PRPH2: variants seen among roughly 807,000 people sequenced by gnomAD.
PRPH2 encodes the protein peripherin 2, also known as peripherin-2.
PRPH2 carries 17 observed loss-of-function variants against 31.3 expected under a neutral mutation model. The ratio of observed to expected loss-of-function variants is 0.54; its 90% confidence interval spans 0.37 to 0.81. The LOEUF (loss-of-function observed/expected upper bound fraction) is 0.81. PRPH2 is among the 40% of genes least tolerant of loss of function. The pLI is 0.00. For missense variants in PRPH2, 430 were observed against 439.7 expected (o/e 0.98, Z 0.20); for synonymous variants, 165 against 184.4 (o/e 0.89, Z 0.85).
At chr6:42,712,747 T>A (rs1761691456) in intron 1 of PRPH2, among the ~76,000 whole-genome samples, 2 of 151,806 alleles carry the variant, frequency 1.3e-5, no homozygotes, top group African/African-American at 4.8e-5. Flanking sequence ...AGAGACCTTG[T>A]GCTCAAGTGA....
rs1049647444 is a variant in PRPH2 at position 42,698,184 on chromosome 6, A to T, written c.*111T>A. On this transcript the variant is annotated 3_prime_UTR_variant, in exon 3 of 3. Transcript: ENST00000230381. ...CACCGTCAGGGAGAGTCTCTGTAAG[A>T]TGGTGCCCTCCTTGGGAGATTCAGA... is the stretch of plus-strand genomic sequence containing the variant. The T allele has an allele frequency of 7.7e-6, 11 of 1,437,216 alleles. No individual in the cohort carries two copies. Among genetic ancestry groups the T allele is most frequent in the Middle Eastern group, 2.5e-4 (1 of 4,036 alleles). 89.0% of individuals were successfully genotyped at this position (1,437,216 alleles called of 1,614,324 possible).
chr6:42,722,241 T>C lies in PRPH2; in HGVS notation c.94A>G (p.Ile32Val), dbSNP rs61755767. The change falls in exon 1 of 3, where the codon ATC (isoleucine) becomes GTC (valine). Residue 32 changes from isoleucine (I) to valine (V), a missense_variant. Physicochemically the swap from Ile to Val is conservative, Grantham distance 29. Transcript: ENST00000230381. The surrounding 1 kb of genome is among the most constrained non-coding windows in gnomAD (Gnocchi z 4.4). ...LMNWFSVLAGIIIFSLGLFLK... is the reference protein window; with the variant it reads ...LMNWFSVLAGVIIFSLGLFLK... ...AACAGTCCTAGGCTGAAGATGATGA[T>C]GCCAGCCAACACGGAGAACCAGTTC... 5.9e-4 allele frequency: 958 copies of C among 1,614,204 alleles called. 7 individuals are homozygous for C. The highest frequency in any genetic ancestry group is 5.1e-3 in the South Asian group (466 of 91,090).
chr6:42,710,880 C>T (rs922913872), intron 1 of PRPH2, among the ~76,000 whole-genome samples: 1 of 152,174 alleles, frequency 6.6e-6, no homozygotes, highest in African/African-American at 2.4e-5. Flanking sequence ...CTGAGGGACA[C>T]CTGTGAGACC....
intron 1 of PRPH2, chr6:42,711,717 T>A: frequency 1.0e-6 from 1 of 972,842 alleles, no homozygotes; most frequent in Non-Finnish European, 1.2e-6. Flanking sequence ...AATCTTCTCC[T>A]TGAGATGTCT....
In PRPH2 at chr6:42,722,552, G is replaced by T; in HGVS notation, c.-218C>A. The T allele has an allele frequency of 7.0e-7, 1 of 1,434,782 alleles. No individual in the cohort carries two copies. Among genetic ancestry groups the T allele is most frequent in the Admixed American group, 2.6e-5 (1 of 37,790 alleles). 88.9% of individuals were successfully genotyped at this position (1,434,782 alleles called of 1,614,324 possible). On this transcript the variant is annotated 5_prime_UTR_variant, in exon 1 of 3. Transcript: ENST00000230381. The surrounding 1 kb of genome is among the most constrained non-coding windows in gnomAD (Gnocchi z 4.4). ...TCTCGGAATCACAGCTTGAGCAGGGGATAGTCCTGGTCCTGGGCGTTGTTT... is the reference window on the plus strand; with the variant it reads ...TCTCGGAATCACAGCTTGAGCAGGGTATAGTCCTGGTCCTGGGCGTTGTTT...
At position 42,712,474 on chromosome 6, in the gene PRPH2, G is replaced by A. The variant is rs12191730; in HGVS notation, c.582-7863C>T. On this transcript the variant is annotated intron_variant, in intron 1 of 2. Transcript: ENST00000230381. ...GAGATGCCTATTAAAGTATTTACAG[G>A]TAAAAGGAAAGTATGTCCAGGATTT... is the stretch of plus-strand genomic sequence containing the variant. 6.5e-3 allele frequency among the ~76,000 whole-genome samples: 988 copies of A among 152,298 alleles called. 7 individuals are homozygous for A. Among genetic ancestry groups the A allele is most frequent in the Non-Finnish European group, 9.9e-3 (672 of 68,012 alleles).
intron 1 of PRPH2, among the ~76,000 whole-genome samples, chr6:42,718,047 C>A (rs1294935473): frequency 1.3e-5 from 2 of 151,956 alleles, no homozygotes; most frequent in Non-Finnish European, 2.9e-5. Context: ...GTGGCTCATG[C>A]CTGTAATCCC....
At chr6:42,703,339 G>A (rs1294753759) in intron 2 of PRPH2, among the ~76,000 whole-genome samples, 1 of 152,240 alleles carries the variant, frequency 6.6e-6, no homozygotes, top group African/African-American at 2.4e-5. Context: ...GAGCGTTGCA[G>A]ATAAGATGAA....
At chr6:42,705,415 G>A (rs2152005571) in intron 1 of PRPH2, among the ~76,000 whole-genome samples, 1 of 151,148 alleles carries the variant, frequency 6.6e-6, no homozygotes. Context: ...AACTCCCTGA[G>A]CTGCACACTT....
intron 2 of PRPH2, 67 bp from the exon 3 acceptor site, chr6:42,698,574 C>T: frequency 6.3e-7 from 1 of 1,597,768 alleles, no homozygotes; most frequent in South Asian, 1.1e-5. Context: ...CATTAGGAAA[C>T]CACAGGAGCC....
At chr6:42,716,968 T>C (rs1761798829) in intron 1 of PRPH2, among the ~76,000 whole-genome samples, 1 of 119,384 alleles carries the variant, frequency 8.4e-6, no homozygotes, top group African/African-American at 3.3e-5. Flanking sequence ...TTTTCTTTTT[T>C]TTTTTTTTTT....
At chr6:42,715,499 CG>C (rs1404767186) in intron 1 of PRPH2, among the ~76,000 whole-genome samples, 1 of 151,892 alleles carries the variant, frequency 6.6e-6, no homozygotes, top group East Asian at 1.9e-4. Context: ...GGTGAAACCC[CG>C]TCTCTACTAA....
intron 1 of PRPH2, among the ~76,000 whole-genome samples, chr6:42,709,391 C>T (rs1384642450): frequency 6.6e-6 from 1 of 151,492 alleles, no homozygotes; most frequent in African/African-American, 2.4e-5. Context: ...CCACTGGTCC[C>T]ATTGGAGTTC....
At position 42,697,198 on chromosome 6, in the gene PRPH2, C is replaced by T. The variant is rs1295609910; in HGVS notation, c.*1097G>A. 1.3e-5 allele frequency: 2 copies of T among 152,172 alleles called. No homozygotes were observed. The highest frequency in any genetic ancestry group is 2.9e-5 in the Non-Finnish European group (2 of 68,046). 9.4% of individuals were successfully genotyped at this position (152,172 alleles called of 1,614,324 possible). A position where few individuals can be genotyped will look rare whatever the true frequency, so the allele number is the denominator to read the frequency against. ...TTCTCTTTCCTAAAGAAAGTGAAAA[C>T]TCCTGTATTTGCTAGCTCAGGAAGA... On this transcript the variant is annotated 3_prime_UTR_variant, in exon 3 of 3. Transcript: ENST00000230381.
At chr6:42,709,221 T>C (rs546318749) in intron 1 of PRPH2, among the ~76,000 whole-genome samples, 1 of 151,094 alleles carries the variant, frequency 6.6e-6, no homozygotes, top group East Asian at 1.9e-4. Context: ...TCCTAGCTAC[T>C]GGGGAGGCTG....
At chr6:42,704,934 C>T (rs925354798) in intron 1 of PRPH2, among the ~76,000 whole-genome samples, 1 of 152,238 alleles carries the variant, frequency 6.6e-6, no homozygotes, top group Non-Finnish European at 1.5e-5. Flanking sequence ...GTAGGAGGAG[C>T]AGCAGGATGG....
Position 42,698,198 on chromosome 6 carries a change from GGGAGATTCAGACTTTC to G in PRPH2, c.*81_*96del. 1 of 1,530,238 alleles carries G rather than the reference GGGAGATTCAGACTTTC, an allele frequency of 6.5e-7. No homozygotes were observed. The highest frequency in any genetic ancestry group is 8.9e-7 in the Non-Finnish European group (1 of 1,120,100). 94.8% of individuals were successfully genotyped at this position (1,530,238 alleles called of 1,614,324 possible). A position where few individuals can be genotyped will look rare whatever the true frequency, so the allele number is the denominator to read the frequency against. On this transcript the variant is annotated 3_prime_UTR_variant, in exon 3 of 3. Transcript: ENST00000230381. The stretch of plus-strand genomic sequence containing the variant: ...GTCTCTGTAAGATGGTGCCCTCCTT[GGGAGATTCAGACTTTC>G]GGAGTTGGATGAGGGGGAGATCCAC...
chr6:42,705,921 T>A (rs1378352792), intron 1 of PRPH2, among the ~76,000 whole-genome samples: 6 of 144,954 alleles, frequency 4.1e-5, no homozygotes, highest in Non-Finnish European at 9.0e-5. Flanking sequence ...ATCACACCAC[T>A]GCACTCCAGC....
intron 1 of PRPH2, among the ~76,000 whole-genome samples, chr6:42,707,088 TG>T (rs1272067415): frequency 6.7e-6 from 1 of 150,078 alleles, no homozygotes; most frequent in African/African-American, 2.5e-5. Context: ...TCAGTAGAGA[TG>T]GGGTTTTGTC....
Sources: allele counts gnomAD v4.1 joint callset (sites outside exome capture counted in the v4.1 genomes callset), GRCh38; gene constraint gnomAD v4.1.1; non-coding constraint Gnocchi (gnomAD v3.1); transcripts MANE v1.5; gene names NCBI Gene and HGNC (gene_info 2026-07-23, HGNC 2026-07-21).